Variants in ARFGEF2 observed in about 807,000 individuals in gnomAD.
ARFGEF2 encodes ARF guanine nucleotide exchange factor 2.
In ARFGEF2, 74 loss-of-function variants were observed where a neutral mutation model predicts 219.9. That is an observed-to-expected ratio of 0.34 (90% CI 0.28 to 0.41). The LOEUF is 0.41. Among genes scored for constraint, ARFGEF2 ranks in the 10% least tolerant of loss-of-function variants. ARFGEF2 has a pLI of 1.00. For missense variants in ARFGEF2, 1,743 were observed against 2,218.3 expected (o/e 0.79, Z 4.30); for synonymous variants, 733 against 799.2 (o/e 0.92, Z 1.40).
In ARFGEF2 at chr20:49,011,913, TG is replaced by T. The variant is rs749115838; in HGVS notation, c.3758-10del. ...CTGGTCTTATGAAAAATGTGCCTTG[TG>T]TTCCCCCAGCAACTATTTTCCAGCA... On this transcript the variant is annotated splice_polypyrimidine_tract_variant and intron_variant, in intron 27 of 38. Coordinates refer to ENST00000371917, the MANE Select transcript of ARFGEF2 (RefSeq NM_006420.3). 9.3e-6 allele frequency: 15 copies of T among 1,614,224 alleles called. No individual in the cohort carries two copies. Among genetic ancestry groups the T allele is most frequent in the Non-Finnish European group, 1.3e-5 (15 of 1,180,034 alleles).
chr20:49,015,383 G>T (rs1250869208), intron 30 of ARFGEF2, among the ~76,000 whole-genome samples: 5 of 152,164 alleles, frequency 3.3e-5, no homozygotes, highest in Admixed American at 3.3e-4. Context: ...AAAGTGCAGG[G>T]ATTACAGGTG....
chr20:48,939,873 T>C (rs911797152), intron 1 of ARFGEF2, among the ~76,000 whole-genome samples: 2 of 152,160 alleles, frequency 1.3e-5, no homozygotes, highest in Non-Finnish European at 2.9e-5. Context: ...TGTCCTGGGG[T>C]TGCTAGAATA....
rs767399617 is a variant in ARFGEF2 at position 48,951,331 on chromosome 20, C to A, written c.285C>A (p.Ile95=). 2 of 1,613,996 alleles carry A rather than the reference C, an allele frequency of 1.2e-6. No homozygotes were observed. The highest frequency in any genetic ancestry group is 2.7e-5 in the African/African-American group (2 of 74,914). ...STSLDCLQKL[I]AYGHITGNAP... is the part of the protein sequence containing the mutation. ...GTTCTTTCTCTCTTTAGAAACTCATCGCATACGGGCACATCACTGGCAACG... is the reference window on the plus strand; with the variant it reads ...GTTCTTTCTCTCTTTAGAAACTCATAGCATACGGGCACATCACTGGCAACG... Residue 95 remains isoleucine (I), a synonymous_variant, in exon 4 of 39, where the codon ATC becomes ATA. Transcript: ENST00000371917.
chr20:48,991,917 A>G (rs1475841771), intron 21 of ARFGEF2, among the ~76,000 whole-genome samples: 1 of 152,222 alleles, frequency 6.6e-6, no homozygotes, highest in Non-Finnish European at 1.5e-5. Flanking sequence ...GCCCCAACTC[A>G]AATCTGAATT....
chr20:48,936,274 C>T (rs1326105628), intron 1 of ARFGEF2, among the ~76,000 whole-genome samples: 1 of 143,994 alleles, frequency 6.9e-6, no homozygotes, highest in African/African-American at 2.6e-5. Context: ...CCCTGCCGGA[C>T]GGGGCGGCTG....
chr20:49,007,592 C>CTTTTTTTTTTTTTTTT (rs752508908), intron 26 of ARFGEF2, among the ~76,000 whole-genome samples: 1 of 97,868 alleles, frequency 1.0e-5, no homozygotes, highest in African/African-American at 3.9e-5. Context: ...CCTGGTGTTG[C>CTTTTTTTTTTTTTTTT]TTTTTTTTTT....
At position 49,035,602 on chromosome 20, in the gene ARFGEF2, T is replaced by C. The variant is rs931321027; in HGVS notation, c.*2403T>C. 6.6e-6 allele frequency: 1 copy of C among 151,956 alleles called. No individual in the cohort carries two copies. Among genetic ancestry groups the C allele is most frequent in the Non-Finnish European group, 1.5e-5 (1 of 67,858 alleles). The allele number at this position is 151,956 out of a possible 1,614,324, so 9.4% of individuals were successfully genotyped here. ...TGCCACTCAAACACTAGTGAAAGGG[T>C]ATGTACAACCGCAACATCAGGCCAG... On this transcript the variant is annotated 3_prime_UTR_variant, in exon 39 of 39. Transcript: ENST00000371917.
At position 48,974,819 on chromosome 20, in the gene ARFGEF2, C is replaced by T. The variant is rs200725828; in HGVS notation, c.1719C>T (p.Cys573=). Residue 573 remains cysteine (C), a synonymous_variant, in exon 13 of 39, where the codon TGC becomes TGT. Coordinates refer to ENST00000371917, the MANE Select transcript of ARFGEF2 (RefSeq NM_006420.3). ...GLECLVSILK[C]MVEWSKDLYV... ...AGTGCCTCGTGTCCATTCTCAAGTG[C>T]ATGGTGGAGTGGAGCAAAGACCTGT... 3.6e-5 allele frequency: 58 copies of T among 1,613,908 alleles called. No homozygotes were observed. The highest frequency in any genetic ancestry group is 4.4e-5 in the Non-Finnish European group (52 of 1,179,980).
At chr20:48,947,734 T>C (rs1338348805) in intron 3 of ARFGEF2, among the ~76,000 whole-genome samples, 2 of 152,082 alleles carry the variant, frequency 1.3e-5, no homozygotes, top group African/African-American at 2.4e-5. Context: ...CATGCGCCTG[T>C]GGTTCCAACT....
In ARFGEF2 at chr20:48,945,625, G is replaced by A. The variant is rs1300948734; in HGVS notation, c.276+3638G>A. ...ACGCCTGTAATCCCAGCACTTTGAG[G>A]CAGGAGGATCACTTGAGGCCAGGTA... On this transcript the variant is annotated intron_variant, in intron 3 of 38. Coordinates refer to ENST00000371917, the MANE Select transcript of ARFGEF2 (RefSeq NM_006420.3). Among the ~76,000 whole-genome samples the A allele has an allele frequency of 3.9e-5, 6 of 152,166 alleles. No individual in the cohort carries two copies. In the East Asian group the frequency reaches 1.2e-3, roughly 29 times the overall value.
intron 16 of ARFGEF2, among the ~76,000 whole-genome samples, chr20:48,987,601 T>C (rs771476034): frequency 3.7e-4 from 57 of 152,156 alleles, no homozygotes; most frequent in Admixed American, 2.0e-3. Context: ...CAGGACAAGG[T>C]GGGGGAGGCA....
intron 28 of ARFGEF2, 65 bp from the exon 29 acceptor site, chr20:49,013,499 G>T: frequency 6.2e-7 from 1 of 1,607,760 alleles, no homozygotes; most frequent in South Asian, 1.1e-5. Flanking sequence ...TCTGCATATA[G>T]TTCCCTTTCA....
chr20:49,016,506 C>T lies in ARFGEF2; in HGVS notation c.4315+91C>T. 2.9e-6 allele frequency: 4 copies of T among 1,380,160 alleles called. No individual in the cohort carries two copies. In the South Asian group the frequency reaches 4.7e-5, roughly 16 times the overall value. 85.5% of individuals were successfully genotyped at this position (1,380,160 alleles called of 1,614,324 possible). A position where few individuals can be genotyped will look rare whatever the true frequency, so the allele number is the denominator to read the frequency against. The stretch of plus-strand genomic sequence containing the variant: ...ATATTTAAAAGCATGGATGTAGTGC[C>T]ATGGAGTACAATATATAATTTAGTT... On this transcript the variant is annotated intron_variant, in intron 31 of 38. Coordinates refer to ENST00000371917, the MANE Select transcript of ARFGEF2 (RefSeq NM_006420.3).
chr20:48,939,538 G>C (rs1413763212), intron 1 of ARFGEF2, among the ~76,000 whole-genome samples: 1 of 152,078 alleles, frequency 6.6e-6, no homozygotes, highest in African/African-American at 2.4e-5. Flanking sequence ...TCATGGGCTG[G>C]ATCACCCACA....
At chr20:49,024,189 T>A (rs1356760671) in intron 35 of ARFGEF2, among the ~76,000 whole-genome samples, 1 of 151,926 alleles carries the variant, frequency 6.6e-6, no homozygotes, top group Non-Finnish European at 1.5e-5. Flanking sequence ...CCCAGCCTGG[T>A]CTCAAACTCT....
intron 26 of ARFGEF2, 139 bp downstream of exon 26, chr20:49,005,360 A>G (rs1012327482): frequency 3.1e-5 from 34 of 1,083,478 alleles, no homozygotes; most frequent in South Asian, 2.8e-4. Context: ...TGTGATTCAC[A>G]TCGATTTTCC....
chr20:48,967,159 T>C (rs1482894841), intron 8 of ARFGEF2, among the ~76,000 whole-genome samples: 2 of 152,210 alleles, frequency 1.3e-5, no homozygotes, highest in Non-Finnish European at 2.9e-5. Context: ...ATAATGTTTT[T>C]TTCCCCCCTT....
At position 48,940,668 on chromosome 20, in the gene ARFGEF2, C is replaced by T. The variant is rs116301808; in HGVS notation, c.122-531C>T. Among the ~76,000 whole-genome samples the T allele has an allele frequency of 7.6e-3, 1,158 of 152,298 alleles. 16 individuals are homozygous for T. The highest frequency in any genetic ancestry group is 0.026 in the African/African-American group (1,061 of 41,548). The stretch of plus-strand genomic sequence containing the variant: ...TGATGTGCAACAGTAGCCAAGTTAC[C>T]TAACCTCCTGTGCCTTGGTTTCCTC... On this transcript the variant is annotated intron_variant, in intron 1 of 38. Coordinates refer to ENST00000371917, the MANE Select transcript of ARFGEF2 (RefSeq NM_006420.3).
intron 3 of ARFGEF2, among the ~76,000 whole-genome samples, chr20:48,942,788 G>A (rs2091001812): frequency 1.3e-5 from 2 of 152,158 alleles, no homozygotes; most frequent in South Asian, 2.1e-4. Flanking sequence ...TGGTAGTTAT[G>A]TGCTATAAAG....
Sources: allele counts gnomAD v4.1 joint callset (sites outside exome capture counted in the v4.1 genomes callset), GRCh38; gene constraint gnomAD v4.1.1; transcripts MANE v1.5; gene names NCBI Gene and HGNC (gene_info 2026-07-23, HGNC 2026-07-21).